FRMD4A: variants seen among roughly 807,000 people sequenced by gnomAD.
The protein encoded by FRMD4A is FERM domain-containing protein 4A.
FRMD4A carries 29 observed loss-of-function variants against 129.1 expected under a neutral mutation model. That is an observed-to-expected ratio of 0.22 (90% CI 0.17 to 0.31). The LOEUF (loss-of-function observed/expected upper bound fraction) is 0.31, where lower values mean the gene tolerates loss of function less well. FRMD4A is among the 10% of genes least tolerant of loss of function. FRMD4A has a pLI of 1.00. For synonymous variants in FRMD4A, 634 were observed against 571.6 expected (o/e 1.11, Z -1.56); for missense variants, 1,272 against 1,375.8 (o/e 0.92, Z 1.19).
chr10:14,093,488 A>G (rs1004778418), intron 2 of FRMD4A, among the ~76,000 whole-genome samples: 2 of 152,216 alleles, frequency 1.3e-5, no homozygotes, highest in Non-Finnish European at 2.9e-5. Flanking sequence ...TGACACTTAA[A>G]TCCTTGACAT....
chr10:14,279,307 C>T (rs1482738749), intron 2 of FRMD4A, among the ~76,000 whole-genome samples: 2 of 151,390 alleles, frequency 1.3e-5, no homozygotes, highest in Non-Finnish European at 2.9e-5. Flanking sequence ...TTGTGCCTGC[C>T]TCCCCAGTAG....
chr10:14,192,985 C>A (rs374175862), intron 2 of FRMD4A, among the ~76,000 whole-genome samples: 1 of 152,192 alleles, frequency 6.6e-6, no homozygotes, highest in South Asian at 2.1e-4. Context: ...AGAGTAACAG[C>A]GTGTATTTGC....
chr10:13,761,399 C>T (rs906975253), intron 8 of FRMD4A, among the ~76,000 whole-genome samples: 4 of 152,234 alleles, frequency 2.6e-5, no homozygotes, highest in African/African-American at 9.6e-5. Flanking sequence ...ATGTGTGACG[C>T]TGGGCCTAAT....
At chr10:13,895,041 T>G (rs1234720367) in intron 2 of FRMD4A, among the ~76,000 whole-genome samples, 2 of 152,230 alleles carry the variant, frequency 1.3e-5, no homozygotes, top group Non-Finnish European at 2.9e-5. Flanking sequence ...TGTAAAGCAC[T>G]TAGAACAGGG....
At chr10:14,089,833 C>A (rs2131749639) in intron 2 of FRMD4A, among the ~76,000 whole-genome samples, 1 of 152,298 alleles carries the variant, frequency 6.6e-6, no homozygotes, top group African/African-American at 2.4e-5. Context: ...AGTTTCCAAA[C>A]CGTGTTTTGT....
chr10:14,175,522 CT>C (rs374088064), intron 2 of FRMD4A, among the ~76,000 whole-genome samples: 28,376 of 122,622 alleles, frequency 0.23, 3,056 homozygotes, highest in Admixed American at 0.3. Flanking sequence ...AGTTTGCTTC[CT>C]TTTTTTTTTT....
chr10:14,327,902 C>T (rs1395488420), intron 2 of FRMD4A, among the ~76,000 whole-genome samples: 2 of 152,186 alleles, frequency 1.3e-5, no homozygotes, highest in Non-Finnish European at 2.9e-5. Flanking sequence ...TTTACAGCTT[C>T]CTTCCTGAAC....
chr10:14,027,135 T>C (rs1833020923), intron 2 of FRMD4A, among the ~76,000 whole-genome samples: 2 of 152,208 alleles, frequency 1.3e-5, no homozygotes, highest in Admixed American at 1.3e-4. Context: ...GAATTAAATT[T>C]GGACAAAATG....
rs375783877 is a variant in FRMD4A at position 13,701,333 on chromosome 10, C to A, written c.975+7G>T. 1.2e-5 allele frequency: 20 copies of A among 1,611,198 alleles called. No homozygotes were observed. The highest frequency in any genetic ancestry group is 1.6e-5 in the Non-Finnish European group (19 of 1,178,304). ...GCCCGGGCTTGGTGAGAGGTCTGGT[C>A]ACTCACCTTACTCTGCTTTCTGTCC... On this transcript the variant is annotated splice_region_variant and intron_variant, in intron 14 of 24. Transcript: ENST00000357447.
chr10:14,305,864 A>G (rs562291350), intron 2 of FRMD4A, among the ~76,000 whole-genome samples: 1 of 152,326 alleles, frequency 6.6e-6, no homozygotes, highest in African/African-American at 2.4e-5. Context: ...TCCTCAGCAA[A>G]TGGAGGAACA....
chr10:14,090,072 G>T (rs938589521), intron 2 of FRMD4A, among the ~76,000 whole-genome samples: 3 of 152,192 alleles, frequency 2.0e-5, no homozygotes, highest in Non-Finnish European at 4.4e-5. Context: ...TCTGCCGCAG[G>T]GGCAGATGGC....
chr10:14,049,900 G>A (rs1053878188), intron 2 of FRMD4A, among the ~76,000 whole-genome samples: 32 of 152,072 alleles, frequency 2.1e-4, no homozygotes, highest in East Asian at 9.6e-4. Flanking sequence ...TGGCTTTTAC[G>A]CGTTGACTGT....
chr10:14,260,910 G>C (rs531365548), intron 2 of FRMD4A, among the ~76,000 whole-genome samples: 2 of 152,334 alleles, frequency 1.3e-5, no homozygotes, highest in Non-Finnish European at 2.9e-5. Context: ...CTGGGGTCAG[G>C]CTTGGCCACT....
chr10:14,330,141 A>G lies in FRMD4A; in HGVS notation c.-39T>C, dbSNP rs1843459930. ...CATGCACGAATCCTGCTGCCGAGTCAGTCCTCCTGGGCCCCGGGTGGCTAC... is the reference window on the plus strand; with the variant it reads ...CATGCACGAATCCTGCTGCCGAGTCGGTCCTCCTGGGCCCCGGGTGGCTAC... On this transcript the variant is annotated 5_prime_UTR_variant, in exon 2 of 25. Transcript: ENST00000357447. 6.5e-7 allele frequency: 1 copy of G among 1,549,510 alleles called. No homozygotes were observed. The highest frequency in any genetic ancestry group is 1.2e-5 in the South Asian group (1 of 84,016).
chr10:13,723,521 T>C (rs1465086761), intron 12 of FRMD4A, among the ~76,000 whole-genome samples: 1 of 152,196 alleles, frequency 6.6e-6, no homozygotes, highest in Non-Finnish European at 1.5e-5. Context: ...TGAAGATCTG[T>C]TGCGCAATGA....
chr10:13,756,954 G>A (rs954058274), intron 8 of FRMD4A, among the ~76,000 whole-genome samples: 1 of 152,174 alleles, frequency 6.6e-6, no homozygotes, highest in Admixed American at 6.5e-5. Flanking sequence ...TTAAGGAAGA[G>A]AACATTAGTT....
chr10:14,290,549 C>A (rs1378406446), intron 2 of FRMD4A, among the ~76,000 whole-genome samples: 1 of 151,994 alleles, frequency 6.6e-6, no homozygotes, highest in African/African-American at 2.4e-5. Context: ...AAACTGGACC[C>A]TTATTTTACA....
chr10:14,137,693 C>A (rs750671751), intron 2 of FRMD4A, among the ~76,000 whole-genome samples: 5 of 152,168 alleles, frequency 3.3e-5, no homozygotes, highest in Non-Finnish European at 5.9e-5. Context: ...CTTGTTCATA[C>A]CCCGCAACCA....
chr10:13,773,066 T>G (rs1264197209), intron 6 of FRMD4A, among the ~76,000 whole-genome samples: 1 of 152,208 alleles, frequency 6.6e-6, no homozygotes, highest in African/African-American at 2.4e-5. Flanking sequence ...ATGTACCCCA[T>G]AAATATAGAC....
Sources: gnomAD v4.1 joint callset for allele counts (sites outside exome capture counted in the v4.1 genomes callset) on GRCh38, gnomAD v4.1.1 for gene constraint, MANE v1.5 for transcripts, NCBI Gene and HGNC (gene_info 2026-07-23, HGNC 2026-07-21) for gene names.